GIGYF2: variants seen among roughly 807,000 people sequenced by gnomAD.
GIGYF2 encodes GRB10-interacting GYF protein 2.
In GIGYF2, 25 loss-of-function variants were observed where a neutral mutation model predicts 208.1. That is an observed-to-expected ratio of 0.12 (90% CI 0.09 to 0.17). The LOEUF (loss-of-function observed/expected upper bound fraction) is 0.17. Among genes scored for constraint, GIGYF2 ranks in the 10% least tolerant of loss-of-function variants. The probability of loss-of-function intolerance (pLI) is 1.00; values close to 1 mark genes in which losing one functional copy is unlikely to be tolerated. For missense variants in GIGYF2, 1,302 were observed against 1,579.4 expected (o/e 0.82, Z 2.98); for synonymous variants, 534 against 543.8 (o/e 0.98, Z 0.25).
chr2:232,771,504 C>T (rs1035812053), intron 8 of GIGYF2: 17 of 588,366 alleles, frequency 2.9e-5, no homozygotes, highest in African/African-American at 1.9e-4. Flanking sequence ...CCAACTCTCT[C>T]GCTTTTCTCT....
At chr2:232,707,829 G>C (rs976440286) in intron 2 of GIGYF2, among the ~76,000 whole-genome samples, 1 of 151,836 alleles carries the variant, frequency 6.6e-6, no homozygotes, top group African/African-American at 2.4e-5. Context: ...GTAGAGACTG[G>C]GTTTCACCAT....
intron 8 of GIGYF2, among the ~76,000 whole-genome samples, chr2:232,762,852 C>T (rs1698802710): frequency 6.6e-6 from 1 of 151,778 alleles, no homozygotes; most frequent in South Asian, 2.1e-4. Flanking sequence ...CATGTCTCTA[C>T]AAAAAAGTAC....
chr2:232,831,596 A>G (rs763892400), intron 21 of GIGYF2, among the ~76,000 whole-genome samples: 2 of 152,244 alleles, frequency 1.3e-5, no homozygotes, highest in African/African-American at 2.4e-5. Context: ...TGGCTTTAAT[A>G]ATAAATGAAA....
At chr2:232,744,546 CTT>C (rs575967167) in intron 3 of GIGYF2, among the ~76,000 whole-genome samples, 1 of 142,772 alleles carries the variant, frequency 7.0e-6, no homozygotes, top group East Asian at 2.0e-4. Context: ...TTCTTTCTTT[CTT>C]TTTTTTTTTG....
At chr2:232,789,579 T>C (rs1162539767) in intron 9 of GIGYF2, among the ~76,000 whole-genome samples, 1 of 152,188 alleles carries the variant, frequency 6.6e-6, no homozygotes, top group Non-Finnish European at 1.5e-5. Flanking sequence ...TTCTTTTTTG[T>C]GAGTGGCTTA....
At chr2:232,824,794 TAG>T (rs1701199995) in intron 21 of GIGYF2, among the ~76,000 whole-genome samples, 1 of 152,206 alleles carries the variant, frequency 6.6e-6, no homozygotes, top group Non-Finnish European at 1.5e-5. Context: ...CTTTCATAGC[TAG>T]AGAGGAGAAG....
chr2:232,779,685 G>T (rs1238338297), intron 8 of GIGYF2, among the ~76,000 whole-genome samples: 1 of 152,212 alleles, frequency 6.6e-6, no homozygotes, highest in Non-Finnish European at 1.5e-5. Context: ...TACATATTCA[G>T]ATGGCCTGAG....
At position 232,756,298 on chromosome 2, in the gene GIGYF2, G is replaced by T; in HGVS notation, c.343G>T (p.Gly115Trp). 1.3e-6 allele frequency: 2 copies of T among 1,587,282 alleles called. No homozygotes were observed. The highest frequency in any genetic ancestry group is 1.8e-4 in the Middle Eastern group (1 of 5,648). Reference protein sequence around the residue: ...TGRGGGGTVVGAPRGRSSSRG... With the variant: ...TGRGGGGTVVWAPRGRSSSRG... ...ACGAGGAGGAGGAGGAACAGTGGTGGGGGCTCCTAGAGGTCGAAGTTCTTC... is the reference window on the plus strand; with the variant it reads ...ACGAGGAGGAGGAGGAACAGTGGTGTGGGCTCCTAGAGGTCGAAGTTCTTC... Residue 115 changes from glycine to tryptophan, a missense_variant, in exon 6 of 29, where the codon GGG (glycine) becomes TGG (tryptophan). Gly to Trp is a radical substitution (Grantham distance 184). Transcript: ENST00000373563.
chr2:232,846,904 C>T (rs1401296142), intron 26 of GIGYF2, among the ~76,000 whole-genome samples: 2 of 152,196 alleles, frequency 1.3e-5, no homozygotes, highest in Non-Finnish European at 2.9e-5. Context: ...TCTCCTATAC[C>T]ACACACTGCT....
At chr2:232,753,498 A>C (rs1698411296) in intron 5 of GIGYF2, among the ~76,000 whole-genome samples, 1 of 151,992 alleles carries the variant, frequency 6.6e-6, no homozygotes. Context: ...GCCTCAAGTG[A>C]TCTGCCTGCC....
chr2:232,701,945 A>T (rs1695864707), intron 1 of GIGYF2, among the ~76,000 whole-genome samples: 1 of 151,948 alleles, frequency 6.6e-6, no homozygotes, highest in African/African-American at 2.4e-5. Flanking sequence ...AGGTAGGAGG[A>T]TCACTTGAGC....
Position 232,844,503 on chromosome 2 carries a change from C to T in GIGYF2, c.3234C>T (p.Phe1078=), listed in dbSNP as rs778555194. 1 of 1,613,732 alleles carries T rather than the reference C, an allele frequency of 6.2e-7. No individual in the cohort carries two copies. The highest frequency in any genetic ancestry group is 8.5e-7 in the Non-Finnish European group (1 of 1,179,734). ...NADTKNSNMG[F]WDDAVKEVGP... ...ACACTAAAAACTCCAACATGGGATT[C>T]TGGGATGATGCAGTGAAAGAGGTGG... Residue 1078 remains phenylalanine, a synonymous_variant, in exon 25 of 29, where the codon TTC becomes TTT. Transcript: ENST00000373563.
chr2:232,820,934 G>A (rs11900327), intron 21 of GIGYF2, among the ~76,000 whole-genome samples: 14,116 of 150,254 alleles, frequency 0.094, 899 homozygotes, highest in East Asian at 0.18. Context: ...CAGCTCAAGC[G>A]ATTCTCGTGT....
rs80042330 is a variant in GIGYF2 at position 232,766,556 on chromosome 2, A to G, written c.532+5120A>G. On this transcript the variant is annotated intron_variant, in intron 8 of 28. Coordinates refer to ENST00000373563, the MANE Select transcript of GIGYF2 (RefSeq NM_001103146.3). ...ATTCTTGCTGTCTTTATGTGTTACA[A>G]TAGTCTTGGGTTGGGAAAATCTGTT... 0.013 allele frequency: 1,947 copies of G among 152,516 alleles called. 18 individuals carry two copies. The highest frequency in any genetic ancestry group is 0.021 in the Non-Finnish European group (1,443 of 68,228). The allele number at this position is 152,516 out of a possible 1,614,324, so 9.4% of individuals were successfully genotyped here.
At chr2:232,697,787 C>T (rs889062720) in intron 1 of GIGYF2, among the ~76,000 whole-genome samples, 5 of 152,212 alleles carry the variant, frequency 3.3e-5, no homozygotes, top group East Asian at 1.9e-4. Context: ...GCTTGCTTCT[C>T]CGCGCCAGAC....
intron 16 of GIGYF2, 98 bp downstream of exon 16, chr2:232,809,909 CG>C: frequency 1.3e-6 from 1 of 782,416 alleles, no homozygotes; most frequent in Non-Finnish European, 2.3e-6. Flanking sequence ...AGAGGACTAA[CG>C]GCTTATATGG....
chr2:232,743,072 C>A (rs1428853137), intron 3 of GIGYF2, among the ~76,000 whole-genome samples: 1 of 152,108 alleles, frequency 6.6e-6, no homozygotes, highest in Non-Finnish European at 1.5e-5. Context: ...CAACACTTAC[C>A]AAGCGAAGAT....
At chr2:232,855,246 C>G (rs1020528216) in intron 28 of GIGYF2, among the ~76,000 whole-genome samples, 2 of 151,908 alleles carry the variant, frequency 1.3e-5, no homozygotes, top group African/African-American at 4.8e-5. Flanking sequence ...AGCGCCACGC[C>G]CAGCTAATGT....
At chr2:232,833,168 A>G in intron 22 of GIGYF2, 75 bp downstream of exon 22, 1 of 876,914 alleles carries the variant, frequency 1.1e-6, no homozygotes, top group South Asian at 1.4e-5. Context: ...CTGTACCAGT[A>G]GCAGTAAAAC....
Sources: allele counts gnomAD v4.1 joint callset (sites outside exome capture counted in the v4.1 genomes callset), GRCh38; gene constraint gnomAD v4.1.1; transcripts MANE v1.5; gene names NCBI Gene and HGNC (gene_info 2026-07-23, HGNC 2026-07-21).